The following DRC11 variants were observed in gnomAD, a reference collection of about 807,000 sequenced individuals.
DRC11 encodes the protein IQ and AAA domain-containing protein 1.
chr2:236,417,544 C>T, the DRC11 span, among the ~76,000 whole-genome samples: 3 of 151,162 alleles, frequency 2.0e-5, no homozygotes, highest in Admixed American at 6.6e-5. Context: ...ACTGGAGTCA[C>T]AGCAGGATCA....
chr2:236,333,233 C>T, the DRC11 span: 3 of 152,040 alleles, frequency 2.0e-5, no homozygotes, highest in African/African-American at 7.3e-5. The surrounding 1 kb of genome is among the most constrained non-coding windows in gnomAD (Gnocchi z 6.0). Context: ...GTTTCCTAAC[C>T]CTCATTAAAA....
At chr2:236,459,524 TAC>T in the DRC11 span, among the ~76,000 whole-genome samples, 13 of 96,984 alleles carry the variant, frequency 1.3e-4, no homozygotes, top group Admixed American at 1.4e-3. Context: ...TATACATGTA[TAC>T]ATGTATACGT....
At chr2:236,333,146 G>T in the DRC11 span, 12 of 152,172 alleles carry the variant, frequency 7.9e-5, no homozygotes, top group African/African-American at 2.9e-4. This position sits in a 1 kb window ranked among gnomAD's most constrained non-coding sequence, Gnocchi z 6.0. Flanking sequence ...CACTTGGTGG[G>T]GACTTGACTT....
At chr2:236,402,120 G>GGGCT in the DRC11 span, among the ~76,000 whole-genome samples, 1 of 152,214 alleles carries the variant, frequency 6.6e-6, no homozygotes, top group South Asian at 2.1e-4. This position sits in a 1 kb window ranked among gnomAD's most constrained non-coding sequence, Gnocchi z 6.0. Context: ...CCCCAGCTCA[G>GGGCT]GGCTGGCAGC....
chr2:236,459,851 GA>G, the DRC11 span, among the ~76,000 whole-genome samples: 1 of 151,442 alleles, frequency 6.6e-6, no homozygotes, highest in African/African-American at 2.4e-5. Context: ...TTAACATTGG[GA>G]AAAAAACTTC....
At chr2:236,322,229 C>CTTTTTTTTTTT in the DRC11 span, among the ~76,000 whole-genome samples, 1 of 98,542 alleles carries the variant, frequency 1.0e-5, no homozygotes, top group Non-Finnish European at 2.0e-5. Flanking sequence ...TTTCTTTCCT[C>CTTTTTTTTTTT]TTTTTTTTTT....
chr2:236,339,794 T>A, the DRC11 span, among the ~76,000 whole-genome samples: 1 of 152,236 alleles, frequency 6.6e-6, no homozygotes, highest in African/African-American at 2.4e-5. Context: ...CTGTCTTGAT[T>A]GTTGTAGCTT....
chr2:236,428,442 T>C, the DRC11 span, among the ~76,000 whole-genome samples: 2 of 152,338 alleles, frequency 1.3e-5, no homozygotes, highest in East Asian at 3.9e-4. Context: ...ATATTTGCAA[T>C]TGTTATATCC....
chr2:236,336,223 G>A, the DRC11 span, among the ~76,000 whole-genome samples: 1 of 152,166 alleles, frequency 6.6e-6, no homozygotes, highest in Non-Finnish European at 1.5e-5. The surrounding 1 kb of genome is among the most constrained non-coding windows in gnomAD (Gnocchi z 7.3). Context: ...AAACACAGTG[G>A]CTAATAAGCT....
chr2:236,308,550 T>C, the DRC11 span, among the ~76,000 whole-genome samples: 6 of 152,244 alleles, frequency 3.9e-5, no homozygotes, highest in East Asian at 7.7e-4. This position sits in a 1 kb window ranked among gnomAD's most constrained non-coding sequence, Gnocchi z 6.0. Context: ...TGCTGTGTGA[T>C]AGTGAGCCCT....
the DRC11 span, among the ~76,000 whole-genome samples, chr2:236,363,097 C>A: frequency 6.6e-6 from 1 of 152,186 alleles, no homozygotes; most frequent in Non-Finnish European, 1.5e-5. This position sits in a 1 kb window ranked among gnomAD's most constrained non-coding sequence, Gnocchi z 5.6. Flanking sequence ...ACAGTAAAAG[C>A]TGGCATGGCA....
the DRC11 span, among the ~76,000 whole-genome samples, chr2:236,493,586 G>T: frequency 6.6e-6 from 1 of 152,088 alleles, no homozygotes. Context: ...GAAAAATAAT[G>T]ATTATATATC....
At chr2:236,313,968 T>C in the DRC11 span, among the ~76,000 whole-genome samples, 3 of 152,092 alleles carry the variant, frequency 2.0e-5, no homozygotes, top group African/African-American at 7.2e-5. This position sits in a 1 kb window ranked among gnomAD's most constrained non-coding sequence, Gnocchi z 4.5. Flanking sequence ...CCTCGTGGGG[T>C]TGGAATTGTT....
At chr2:236,349,760 A>T in the DRC11 span, among the ~76,000 whole-genome samples, 1 of 152,198 alleles carries the variant, frequency 6.6e-6, no homozygotes, top group Non-Finnish European at 1.5e-5. This position sits in a 1 kb window ranked among gnomAD's most constrained non-coding sequence, Gnocchi z 5.5. Context: ...GAGTGGAAAA[A>T]ATCATTACTG....
chr2:236,336,240 T>C, the DRC11 span, among the ~76,000 whole-genome samples: 1 of 152,136 alleles, frequency 6.6e-6, no homozygotes, highest in Non-Finnish European at 1.5e-5. The surrounding 1 kb of genome is among the most constrained non-coding windows in gnomAD (Gnocchi z 7.3). Context: ...AGCTAGCTGT[T>C]TATAGCATGC....
At chr2:236,379,216 C>T in the DRC11 span, among the ~76,000 whole-genome samples, 1 of 152,182 alleles carries the variant, frequency 6.6e-6, no homozygotes, top group Admixed American at 6.5e-5. Flanking sequence ...GAAGCAGGAA[C>T]CCCCAAACAG....
At chr2:236,432,888 TG>T in the DRC11 span, among the ~76,000 whole-genome samples, 1 of 152,140 alleles carries the variant, frequency 6.6e-6, no homozygotes, top group Non-Finnish European at 1.5e-5. Context: ...AGTCCTTTTG[TG>T]TTTTGTTTTG....
the DRC11 span, among the ~76,000 whole-genome samples, chr2:236,473,961 T>C: frequency 1.3e-5 from 2 of 152,276 alleles, no homozygotes; most frequent in South Asian, 2.1e-4. This position sits in a 1 kb window ranked among gnomAD's most constrained non-coding sequence, Gnocchi z 4.8. Context: ...GATTTCTACA[T>C]TGGTATAGTG....
chr2:236,318,409 G>A, the DRC11 span, among the ~76,000 whole-genome samples: 2 of 152,132 alleles, frequency 1.3e-5, no homozygotes, highest in Non-Finnish European at 2.9e-5. The surrounding 1 kb of genome is among the most constrained non-coding windows in gnomAD (Gnocchi z 7.0). Context: ...GGGACTGCAC[G>A]CATGCCTACG....
Sources: gnomAD v4.1 joint callset for allele counts (sites outside exome capture counted in the v4.1 genomes callset) on GRCh38, gnomAD v4.1.1 for gene constraint, Gnocchi (gnomAD v3.1) non-coding constraint, MANE v1.5 for transcripts, NCBI Gene and HGNC (gene_info 2026-07-23, HGNC 2026-07-21) for gene names.